Variants in LMO7 observed in about 807,000 individuals in gnomAD.
LMO7 encodes LIM domain 7.
In LMO7, 120 loss-of-function variants were observed where a neutral mutation model predicts 206.5. The ratio of observed to expected loss-of-function variants is 0.58; its 90% CI spans 0.50 to 0.68. LMO7 has a LOEUF of 0.68. LMO7 is among the 30% of genes least tolerant of loss of function. The pLI is 0.00. For missense variants in LMO7, 1,959 were observed against 1,957.9 expected (o/e 1.00, Z -0.01); for synonymous variants, 706 against 681.5 (o/e 1.04, Z -0.56).
intron 24 of LMO7, among the ~76,000 whole-genome samples, chr13:75,842,356 G>T (rs2059618734): frequency 6.6e-6 from 1 of 152,060 alleles, no homozygotes; most frequent in Non-Finnish European, 1.5e-5. Context: ...TCTGCTTGGA[G>T]AAGTCATCAA....
chr13:75,740,657 G>A lies in LMO7; in HGVS notation c.210+13559G>A, dbSNP rs573486435. ...TATCTACCTAGAAAATTTAAGAAAG[G>A]TTTCTGCTGGGTGAATTCTGTGTGA... On this transcript the variant is annotated intron_variant, in intron 3 of 30. Coordinates refer to ENST00000377534, the MANE Select transcript of LMO7 (RefSeq NM_001306080.2). 5.3e-5 allele frequency among the ~76,000 whole-genome samples: 8 copies of A among 152,256 alleles called. No homozygotes were observed. The South Asian group carries it at 1.2e-3, about 24-fold the overall frequency.
At chr13:75,808,567 G>A (rs774407261) in intron 10 of LMO7, among the ~76,000 whole-genome samples, 32 of 152,140 alleles carry the variant, frequency 2.1e-4, no homozygotes, top group Non-Finnish European at 3.4e-4. Flanking sequence ...ACATTTTAGA[G>A]TGTCTGATTT....
intron 1 of LMO7, among the ~76,000 whole-genome samples, chr13:75,675,091 T>TA (rs2039896809): frequency 6.6e-6 from 1 of 151,856 alleles, no homozygotes; most frequent in African/African-American, 2.4e-5. Flanking sequence ...TTCTTTTTTT[T>TA]TTTGAGATGA....
intron 3 of LMO7, among the ~76,000 whole-genome samples, chr13:75,729,703 G>C (rs2044919369): frequency 6.6e-6 from 1 of 151,386 alleles, no homozygotes; most frequent in African/African-American, 2.4e-5. Context: ...CCTGTCTTCT[G>C]CCAGTTTTCA....
chr13:75,789,399 G>T (rs2052927429), intron 4 of LMO7, among the ~76,000 whole-genome samples: 1 of 152,110 alleles, frequency 6.6e-6, no homozygotes, highest in African/African-American at 2.4e-5. Flanking sequence ...GAGAATGCTG[G>T]TACCTTGAGA....
chr13:75,823,819 GT>G lies in LMO7; in HGVS notation c.2896del (p.Ser966LeufsTer24). The G allele has an allele frequency of 6.2e-7, 1 of 1,614,084 alleles. No individual in the cohort carries two copies. The highest frequency in any genetic ancestry group is 8.5e-7 in the Non-Finnish European group (1 of 1,179,988). On this transcript the variant is annotated frameshift_variant, in exon 15 of 31. Coordinates refer to ENST00000377534, the MANE Select transcript of LMO7 (RefSeq NM_001306080.2). LOFTEE classifies it high-confidence loss of function. Reference sequence around the variant, plus strand: ...CTTCCACATCTGGTCTTGATTTAATGTCTGAATCTGGAGAAGGGGAAATCTC... The same window carrying G: ...CTTCCACATCTGGTCTTGATTTAATGCTGAATCTGGAGAAGGGGAAATCTC... The part of the protein sequence containing the change: ...LSSTSGLDLM[S>X]ESGEGEISPQ...
At chr13:75,646,948 C>T (rs887248054) in intron 1 of LMO7, among the ~76,000 whole-genome samples, 3 of 152,134 alleles carry the variant, frequency 2.0e-5, no homozygotes, top group Non-Finnish European at 2.9e-5. Context: ...TCTTCATTTA[C>T]TTACGTCTTA....
In LMO7 at chr13:75,842,903, C is replaced by T; in HGVS notation, c.4084C>T (p.Leu1362Phe). The T allele has an allele frequency of 6.2e-7, 1 of 1,600,594 alleles. No individual in the cohort carries two copies. The highest frequency in any genetic ancestry group is 8.6e-7 in the Non-Finnish European group (1 of 1,168,210). Residue 1362 changes from leucine (L) to phenylalanine (F), a missense_variant, in exon 25 of 31, where the codon CTT becomes TTT. Physicochemically the swap from Leu to Phe is conservative, Grantham distance 22. Transcript: ENST00000377534. ...GACAGAAGAAGCATCTTCAGGTTTT[C>T]TTCCTGGTGACAGGTATGTAGAGCA... ...PKTEEASSGF[L>F]PGDRNKSRST...
chr13:75,740,414 A>T (rs2046319572), intron 3 of LMO7, among the ~76,000 whole-genome samples: 1 of 152,246 alleles, frequency 6.6e-6, no homozygotes, highest in Admixed American at 6.5e-5. Context: ...TGATTGCATC[A>T]CTGCACTCCA....
intron 4 of LMO7, among the ~76,000 whole-genome samples, chr13:75,768,079 T>G (rs1332738469): frequency 6.6e-6 from 1 of 152,088 alleles, no homozygotes; most frequent in African/African-American, 2.4e-5. Context: ...GTATATAAAG[T>G]ATATAGTGCC....
intron 2 of LMO7, among the ~76,000 whole-genome samples, chr13:75,718,515 A>C (rs578083112): frequency 2.0e-5 from 3 of 152,272 alleles, no homozygotes; most frequent in Non-Finnish European, 4.4e-5. Context: ...TCACAGAAAA[A>C]CTGAGGGGAA....
intron 4 of LMO7, among the ~76,000 whole-genome samples, chr13:75,788,037 G>A (rs1284776561): frequency 6.6e-6 from 1 of 152,162 alleles, no homozygotes; most frequent in Non-Finnish European, 1.5e-5. Flanking sequence ...AGTGGAACAA[G>A]AAGCCAGTAC....
At chr13:75,815,447 G>A (rs1318809777) in intron 11 of LMO7, among the ~76,000 whole-genome samples, 1 of 152,192 alleles carries the variant, frequency 6.6e-6, no homozygotes, top group Non-Finnish European at 1.5e-5. Flanking sequence ...GGATAGAGGT[G>A]ACCTTTACTG....
intron 1 of LMO7, among the ~76,000 whole-genome samples, chr13:75,695,488 T>G (rs1474555984): frequency 6.6e-6 from 1 of 152,224 alleles, no homozygotes; most frequent in African/African-American, 2.4e-5. Flanking sequence ...CTGGGACTAC[T>G]GGCACATGCC....
chr13:75,702,686 T>C (rs1339073887), intron 1 of LMO7, among the ~76,000 whole-genome samples: 1 of 152,224 alleles, frequency 6.6e-6, no homozygotes, highest in Non-Finnish European at 1.5e-5. Flanking sequence ...GACTACAATT[T>C]CAAAACAGGG....
chr13:75,644,588 T>C (rs1366301960), intron 1 of LMO7, among the ~76,000 whole-genome samples: 2 of 152,228 alleles, frequency 1.3e-5, no homozygotes, highest in Non-Finnish European at 2.9e-5. Context: ...TATTAGTACA[T>C]GATCATCAAA....
At position 75,823,723 on chromosome 13, in the gene LMO7, G is replaced by C; in HGVS notation, c.2799G>C (p.Arg933Ser). The C allele has an allele frequency of 6.2e-7, 1 of 1,614,064 alleles. No individual in the cohort carries two copies. ...EVAATEEDVTRLPSPTSPFSS... is the reference protein window; with the variant it reads ...EVAATEEDVTSLPSPTSPFSS... ...CAGCAACAGAAGAAGATGTGACAAGGCTGCCCTCTCCTACATCCCCCTTCT... is the reference window on the plus strand; with the variant it reads ...CAGCAACAGAAGAAGATGTGACAAGCCTGCCCTCTCCTACATCCCCCTTCT... Residue 933 changes from arginine (R) to serine (S), a missense_variant, in exon 15 of 31, where the codon AGG (arginine) becomes AGC (serine). Arg to Ser is a moderately radical substitution (Grantham distance 110). Coordinates refer to ENST00000377534, the MANE Select transcript of LMO7 (RefSeq NM_001306080.2).
intron 1 of LMO7, 61 bp downstream of exon 1, chr13:75,636,787 G>A (rs1262370700): frequency 6.7e-7 from 1 of 1,486,908 alleles, no homozygotes; most frequent in Non-Finnish European, 9.2e-7. Context: ...CGGTCGTCGC[G>A]AGGTGACTGC....
intron 4 of LMO7, among the ~76,000 whole-genome samples, chr13:75,765,155 G>C (rs1467733112): frequency 6.6e-6 from 1 of 152,208 alleles, no homozygotes. Context: ...TCATTTCTTA[G>C]GAATCAGGTT....
Sources: gnomAD v4.1 joint callset for allele counts (sites outside exome capture counted in the v4.1 genomes callset) on GRCh38, gnomAD v4.1.1 for gene constraint, MANE v1.5 for transcripts, NCBI Gene and HGNC (gene_info 2026-07-23, HGNC 2026-07-21) for gene names.